The following PCDHA12 variants were observed in gnomAD, a reference collection of about 807,000 sequenced individuals.
PCDHA12 encodes protocadherin alpha-12.
PCDHA12 carries 44 observed loss-of-function variants against 60.0 expected under a neutral mutation model. That is an observed-to-expected ratio of 0.73 (90% CI 0.58 to 0.94). The LOEUF (loss-of-function observed/expected upper bound fraction) is 0.94. PCDHA12 is among the 40% of genes least tolerant of loss of function. PCDHA12 has a pLI of 0.00. For synonymous variants in PCDHA12, 569 were observed against 553.0 expected (o/e 1.03, Z -0.40); for missense variants, 1,276 against 1,239.7 (o/e 1.03, Z -0.44).
Position 140,877,117 on chromosome 5 carries a change from G to C in PCDHA12, c.1645G>C (p.Val549Leu). The C allele has an allele frequency of 6.2e-7, 1 of 1,613,720 alleles. No homozygotes were observed. The highest frequency in any genetic ancestry group is 8.5e-7 in the Non-Finnish European group (1 of 1,179,856). The change falls in exon 1 of 4, where the codon GTG becomes CTG. Residue 549 changes from valine (V) to leucine (L), a missense_variant. Val to Leu is a conservative substitution (Grantham distance 32). Transcript: ENST00000398631. ...CGGCGTGCCGCCTCTGGGCAGCAAC[G>C]TGACGCTGCAGGTGTTCGTGCTGGA... is the stretch of plus-strand genomic sequence containing the variant. ...DAGVPPLGSNVTLQVFVLDEN... is the reference protein window; with the variant it reads ...DAGVPPLGSNLTLQVFVLDEN...
intron 1 of PCDHA12, among the ~76,000 whole-genome samples, chr5:140,953,819 G>A (rs782420849): frequency 1.3e-5 from 2 of 151,904 alleles, no homozygotes; most frequent in Non-Finnish European, 1.5e-5. Context: ...GCATGTGCTA[G>A]TTGTGCAGGT....
At chr5:140,941,508 G>A (rs1296025812) in intron 1 of PCDHA12, among the ~76,000 whole-genome samples, 1 of 151,286 alleles carries the variant, frequency 6.6e-6, no homozygotes, top group African/African-American at 2.4e-5. Flanking sequence ...GTAGAGACGA[G>A]GTTTCACCAT....
chr5:140,967,665 C>A, intron 1 of PCDHA12: 1 of 1,614,154 alleles, frequency 6.2e-7, no homozygotes, highest in Non-Finnish European at 8.5e-7. Context: ...AGCAGCTACA[C>A]GTCGGACCGG....
At chr5:140,952,921 A>G (rs1385762046) in intron 1 of PCDHA12, among the ~76,000 whole-genome samples, 4 of 152,138 alleles carry the variant, frequency 2.6e-5, no homozygotes, top group African/African-American at 4.8e-5. Context: ...ACATGGCATG[A>G]GCAGGAGCAG....
In PCDHA12 at chr5:140,982,464, T is replaced by C; in HGVS notation, c.2427-11T>C. 6.2e-7 allele frequency: 1 copy of C among 1,614,112 alleles called. No individual in the cohort carries two copies. Among genetic ancestry groups the C allele is most frequent in the Non-Finnish European group, 8.5e-7 (1 of 1,180,010 alleles). ...GATCTAACCGTTATCTGGGTCTGTG[T>C]GTTTATTCAGCTCTGTGCACCTAGA... On this transcript the variant is annotated splice_polypyrimidine_tract_variant and intron_variant, in intron 2 of 3. Coordinates refer to ENST00000398631, the MANE Select transcript of PCDHA12 (RefSeq NM_018903.4).
Position 140,988,326 on chromosome 5 carries a change from G to A in PCDHA12, c.2515+5763G>A, listed in dbSNP as rs144904425. 8.4e-3 allele frequency among the ~76,000 whole-genome samples: 1,281 copies of A among 152,296 alleles called. 12 individuals carry two copies. The highest frequency in any genetic ancestry group is 0.014 in the Non-Finnish European group (960 of 68,020). ...CAGCTTGGCTTGGCTTTCTCTACCC[G>A]AGGAAAGTAAGTCCTTTTAAGATGC... On this transcript the variant is annotated intron_variant, in intron 3 of 3. Coordinates refer to ENST00000398631, the MANE Select transcript of PCDHA12 (RefSeq NM_018903.4).
At chr5:140,990,022 G>C (rs891983888) in intron 3 of PCDHA12, among the ~76,000 whole-genome samples, 1 of 152,156 alleles carries the variant, frequency 6.6e-6, no homozygotes, top group Non-Finnish European at 1.5e-5. Flanking sequence ...GCTAGGCAAA[G>C]GATGGGAGAA....
At chr5:140,928,508 T>G in intron 1 of PCDHA12, 1 of 1,614,174 alleles carries the variant, frequency 6.2e-7, no homozygotes, top group Non-Finnish European at 8.5e-7. Flanking sequence ...AGTGCAACAG[T>G]GACTATAAAC....
In PCDHA12 at chr5:140,875,340, C is replaced by A; in HGVS notation, c.-133C>A. ...AATCATTCACGGAATAGGATCGACT[C>A]CATAATGACTGTGATGCTGGAAAAA... On this transcript the variant is annotated 5_prime_UTR_variant, in exon 1 of 4. Coordinates refer to ENST00000398631, the MANE Select transcript of PCDHA12 (RefSeq NM_018903.4). The A allele has an allele frequency of 6.9e-7, 1 of 1,442,242 alleles. No individual in the cohort carries two copies. Among genetic ancestry groups the A allele is most frequent in the Non-Finnish European group, 9.1e-7 (1 of 1,101,430 alleles). 89.3% of individuals were successfully genotyped at this position (1,442,242 alleles called of 1,614,324 possible).
Position 141,010,222 on chromosome 5 carries a change from C to T in PCDHA12, c.*285C>T. 6.4e-7 allele frequency: 1 copy of T among 1,551,730 alleles called. No homozygotes were observed. The highest frequency in any genetic ancestry group is 2.4e-5 in the East Asian group (1 of 40,912). ...CCTCCGCCGCAAAGGAGAGGCTTCC[C>T]AGCCCCGCCAGTGAGAGGTTGGACT... On this transcript the variant is annotated 3_prime_UTR_variant, in exon 4 of 4. Transcript: ENST00000398631.
chr5:140,914,944 C>CTTT (rs35695909), intron 1 of PCDHA12, among the ~76,000 whole-genome samples: 2 of 128,266 alleles, frequency 1.6e-5, no homozygotes, highest in Non-Finnish European at 3.3e-5. Context: ...GAAAAGTTGT[C>CTTT]TTTTTTTTTT....
intron 3 of PCDHA12, 123 bp from the exon 4 acceptor site, chr5:141,009,504 A>G: frequency 1.3e-6 from 2 of 1,497,074 alleles, no homozygotes; most frequent in Non-Finnish European, 1.8e-6. Flanking sequence ...ACTTGAACAA[A>G]CAACTCGTGA....
chr5:140,982,666 T>G (rs2096995489), intron 3 of PCDHA12, 103 bp downstream of exon 3: 4 of 1,467,448 alleles, frequency 2.7e-6, no homozygotes. Context: ...TTCTTTTATA[T>G]TTTTGTTATT....
chr5:140,911,745 A>G (rs573838491), intron 1 of PCDHA12, among the ~76,000 whole-genome samples: 7 of 151,408 alleles, frequency 4.6e-5, no homozygotes, highest in Non-Finnish European at 1.0e-4. Flanking sequence ...AAGGACTATC[A>G]GTGTTCTCCA....
chr5:141,001,229 A>G (rs1055246744), intron 3 of PCDHA12, among the ~76,000 whole-genome samples: 41 of 152,314 alleles, frequency 2.7e-4, no homozygotes, highest in African/African-American at 9.1e-4. Flanking sequence ...AGTTACATTT[A>G]ATCTATAAAT....
In PCDHA12 at chr5:140,876,304, TCCTATGGGATC is replaced by T. The variant is rs1173311877; in HGVS notation, c.833_843del (p.Ser278Ter). ...AGACGAAGGACTTAATGGAGAAATTTCCTATGGGATCAAAATGATTTTGCCAGTGAGTGAGA... is the reference window on the plus strand; with the variant it reads ...AGACGAAGGACTTAATGGAGAAATTTAAAATGATTTTGCCAGTGAGTGAGA... On this transcript the variant is annotated frameshift_variant, in exon 1 of 4. Coordinates refer to ENST00000398631, the MANE Select transcript of PCDHA12 (RefSeq NM_018903.4). LOFTEE classifies it high-confidence loss of function. 1.9e-6 allele frequency: 3 copies of T among 1,613,956 alleles called. No individual in the cohort carries two copies. The highest frequency in any genetic ancestry group is 2.5e-6 in the Non-Finnish European group (3 of 1,179,912).
At chr5:140,918,667 G>A (rs2078804677) in intron 1 of PCDHA12, among the ~76,000 whole-genome samples, 1 of 152,172 alleles carries the variant, frequency 6.6e-6, no homozygotes, top group African/African-American at 2.4e-5. Flanking sequence ...TTGATGGTAT[G>A]AAGAGGTGAG....
chr5:140,960,331 A>G (rs1157705398), intron 1 of PCDHA12, among the ~76,000 whole-genome samples: 1 of 152,230 alleles, frequency 6.6e-6, no homozygotes, highest in African/African-American at 2.4e-5. Flanking sequence ...TGTGAGAAGT[A>G]CATGAGGTGA....
chr5:140,895,733 G>C (rs1554186620), intron 1 of PCDHA12, among the ~76,000 whole-genome samples: 1 of 152,030 alleles, frequency 6.6e-6, no homozygotes, highest in Non-Finnish European at 1.5e-5. Context: ...CCATTCAATG[G>C]GCTGCAAAGG....
Sources: gnomAD v4.1 joint callset for allele counts (sites outside exome capture counted in the v4.1 genomes callset) on GRCh38, gnomAD v4.1.1 for gene constraint, MANE v1.5 for transcripts, NCBI Gene and HGNC (gene_info 2026-07-23, HGNC 2026-07-21) for gene names.